Variants in HDAC9 observed in about 807,000 individuals in gnomAD.
The protein encoded by HDAC9 is MEF-2 interacting transcription repressor (MITR) protein.
In HDAC9, 41 loss-of-function variants were observed where a neutral mutation model predicts 139.4. That is an observed-to-expected ratio of 0.29 (90% CI 0.23 to 0.38). The LOEUF is 0.38. HDAC9 is among the 10% of genes least tolerant of loss of function. The probability of loss-of-function intolerance (pLI) is 1.00; values close to 1 mark genes in which losing one functional copy is unlikely to be tolerated. For synonymous variants in HDAC9, 517 were observed against 476.2 expected, an observed-to-expected ratio of 1.09 and a Z score of -1.12; for missense variants, 1,147 against 1,297.0, an observed-to-expected ratio of 0.88 and a Z score of 1.78.
At chr7:18,802,128 T>C (rs1007532922) in intron 17 of HDAC9, among the ~76,000 whole-genome samples, 15 of 151,898 alleles carry the variant, frequency 9.9e-5, no homozygotes, top group Non-Finnish European at 2.1e-4. Flanking sequence ...GCTCATTATT[T>C]TACAACCTGT....
At chr7:18,446,126 A>G (rs918848494) in intron 1 of HDAC9, among the ~76,000 whole-genome samples, 1 of 152,250 alleles carries the variant, frequency 6.6e-6, no homozygotes, top group Non-Finnish European at 1.5e-5. Flanking sequence ...GTGCAGAGAC[A>G]TTTAAATTCA....
At chr7:18,228,206 C>A (rs1346917406) in intron 2 of HDAC9, among the ~76,000 whole-genome samples, 1 of 151,978 alleles carries the variant, frequency 6.6e-6, no homozygotes, top group African/African-American at 2.4e-5. Flanking sequence ...TTGTTTAATA[C>A]TCCAAGAATT....
chr7:18,993,860 G>A (rs1161296821), intron 25 of HDAC9, among the ~76,000 whole-genome samples: 1 of 152,164 alleles, frequency 6.6e-6, no homozygotes, highest in Non-Finnish European at 1.5e-5. Flanking sequence ...ATGCATATGT[G>A]TAGATGGTTC....
At chr7:18,273,601 G>A (rs780343883) in intron 2 of HDAC9, among the ~76,000 whole-genome samples, 2 of 152,088 alleles carry the variant, frequency 1.3e-5, no homozygotes, top group Admixed American at 6.6e-5. Flanking sequence ...AATTAAAATT[G>A]GAAATGGAAA....
chr7:18,629,743 T>C (rs2128974977), intron 7 of HDAC9, among the ~76,000 whole-genome samples: 1 of 152,244 alleles, frequency 6.6e-6, no homozygotes, highest in East Asian at 1.9e-4. Context: ...CCTTATTCTT[T>C]TCAGGAACAG....
intron 11 of HDAC9, among the ~76,000 whole-genome samples, chr7:18,663,332 A>C (rs1429661662): frequency 1.3e-5 from 2 of 152,076 alleles, no homozygotes; most frequent in African/African-American, 2.4e-5. Flanking sequence ...AGGAAGGAGA[A>C]GAATCGCAAC....
chr7:18,609,523 C>T (rs74421453), intron 6 of HDAC9, among the ~76,000 whole-genome samples: 1,886 of 152,236 alleles, frequency 0.012, 35 homozygotes, highest in African/African-American at 0.043. Flanking sequence ...ACTCTTCCCT[C>T]TGAGTTTGAA....
At chr7:18,789,715 T>C (rs1224727778) in intron 16 of HDAC9, among the ~76,000 whole-genome samples, 3 of 152,226 alleles carry the variant, frequency 2.0e-5, no homozygotes, top group Admixed American at 6.5e-5. Flanking sequence ...CCCTTAATCC[T>C]GCATATCTGT....
At chr7:18,945,279 C>G (rs575782652) in intron 23 of HDAC9, among the ~76,000 whole-genome samples, 1 of 152,172 alleles carries the variant, frequency 6.6e-6, no homozygotes, top group Non-Finnish European at 1.5e-5. Flanking sequence ...GACGCTAATG[C>G]GGTAAAGCAG....
chr7:18,460,788 CAAAAAAAAAA>C (rs750144894), intron 1 of HDAC9, among the ~76,000 whole-genome samples: 2 of 45,310 alleles, frequency 4.4e-5, no homozygotes, highest in African/African-American at 1.5e-4. Flanking sequence ...AACTCTGTCT[CAAAAAAAAAA>C]AAAAAAAAAA....
intron 14 of HDAC9, among the ~76,000 whole-genome samples, chr7:18,751,826 C>A (rs1788474769): frequency 1.3e-5 from 2 of 152,088 alleles, no homozygotes; most frequent in African/African-American, 4.8e-5. Flanking sequence ...AACTTATTTT[C>A]TCTTCCTGAT....
At chr7:18,162,431 A>T in intron 2 of HDAC9, 2 of 1,324,350 alleles carry the variant, frequency 1.5e-6, no homozygotes, top group Admixed American at 2.5e-5. Flanking sequence ...AAGTAATTTA[A>T]TTTATGAAGG....
chr7:18,350,890 C>G (rs1420486977), intron 1 of HDAC9, among the ~76,000 whole-genome samples: 1 of 152,152 alleles, frequency 6.6e-6, no homozygotes, highest in Non-Finnish European at 1.5e-5. Flanking sequence ...GCTGCTTTCC[C>G]AGGGGCCTTC....
chr7:18,318,165 G>C (rs1430683262), intron 1 of HDAC9, among the ~76,000 whole-genome samples: 1 of 152,152 alleles, frequency 6.6e-6, no homozygotes, highest in Admixed American at 6.5e-5. Flanking sequence ...TTTTTTACTT[G>C]CAGCTGCAAG....
intron 1 of HDAC9, among the ~76,000 whole-genome samples, chr7:18,152,239 T>A (rs1786834326): frequency 6.6e-6 from 1 of 152,176 alleles, no homozygotes; most frequent in African/African-American, 2.4e-5. Context: ...TTAAATATAT[T>A]ATCACTCATC....
chr7:18,734,719 T>C (rs6947860), intron 13 of HDAC9, among the ~76,000 whole-genome samples: 1 of 152,326 alleles, frequency 6.6e-6, no homozygotes, highest in African/African-American at 2.4e-5. Flanking sequence ...GTCTTTATAG[T>C]AGCATGATTT....
chr7:18,461,832 G>T (rs544304258), intron 1 of HDAC9, among the ~76,000 whole-genome samples: 1 of 152,200 alleles, frequency 6.6e-6, no homozygotes, highest in Admixed American at 6.5e-5. Flanking sequence ...AAACTAATAT[G>T]ACTTTAGTCA....
chr7:18,783,958 A>G lies in HDAC9; in HGVS notation c.2215-9387A>G, dbSNP rs375520292. 3.9e-5 allele frequency among the ~76,000 whole-genome samples: 6 copies of G among 152,098 alleles called. No individual in the cohort carries two copies. The South Asian group carries it at 6.2e-4, about 16-fold the overall frequency. On this transcript the variant is annotated intron_variant, in intron 16 of 25. Transcript: ENST00000686413. ...CATTGTCCTTTTAGCTGGGACACAAACACTCCAGTCAACCATAGTTCCAAC... is the reference window on the plus strand; with the variant it reads ...CATTGTCCTTTTAGCTGGGACACAAGCACTCCAGTCAACCATAGTTCCAAC...
At chr7:18,231,422 G>A (rs1793453318) in intron 2 of HDAC9, among the ~76,000 whole-genome samples, 1 of 152,198 alleles carries the variant, frequency 6.6e-6, no homozygotes, top group South Asian at 2.1e-4. Context: ...GTCCCAAGAA[G>A]AGGCACCATA....
Sources: gnomAD v4.1 joint callset for allele counts (sites outside exome capture counted in the v4.1 genomes callset) on GRCh38, gnomAD v4.1.1 for gene constraint, MANE v1.5 for transcripts, NCBI Gene and HGNC (gene_info 2026-07-23, HGNC 2026-07-21) for gene names.